The following DPY19L1 variants were observed in gnomAD, a reference collection of about 807,000 sequenced individuals.
DPY19L1 encodes dpy-19 like C-mannosyltransferase 1, also known as protein C-mannosyl-transferase DPY19L1.
Under a neutral mutation model 96.9 loss-of-function variants are expected in DPY19L1, and 35 were observed. That is an observed-to-expected ratio of 0.36 (90% CI 0.28 to 0.48). The LOEUF is 0.48. DPY19L1 is among the 20% of genes least tolerant of loss of function. The probability of loss-of-function intolerance (pLI) is 0.99; values close to 1 mark genes in which losing one functional copy is unlikely to be tolerated. For missense variants in DPY19L1, 521 were observed against 777.9 expected (o/e 0.67, Z 3.93); for synonymous variants, 205 against 252.6 (o/e 0.81, Z 1.79).
chr7:34,973,299 A>G (rs11979953), intron 8 of DPY19L1, among the ~76,000 whole-genome samples: 5,653 of 152,282 alleles, frequency 0.037, 174 homozygotes, highest in African/African-American at 0.085. Context: ...TTCTCAAGCA[A>G]TCACTGTAGA....
intron 1 of DPY19L1, among the ~76,000 whole-genome samples, chr7:35,020,115 A>G (rs1317348529): frequency 1.3e-5 from 2 of 152,224 alleles, no homozygotes; most frequent in Admixed American, 1.3e-4. Flanking sequence ...CCTGGATGAC[A>G]CAACAAGACC....
At position 34,931,551 on chromosome 7, in the gene DPY19L1, T is replaced by G; in HGVS notation, c.*22A>C. On this transcript the variant is annotated 3_prime_UTR_variant, in exon 22 of 22. Coordinates refer to ENST00000638088, the MANE Select transcript of DPY19L1 (RefSeq NM_001366673.1). Reference sequence around the variant, plus strand: ...AAACCATTACAGATGTAGTTCTCCGTAGGCAGCAGGTCATGTAGCAGTCAT... The same window carrying G: ...AAACCATTACAGATGTAGTTCTCCGGAGGCAGCAGGTCATGTAGCAGTCAT... The G allele has an allele frequency of 4.0e-6, 6 of 1,512,444 alleles. No homozygotes were observed. The highest frequency in any genetic ancestry group is 5.3e-6 in the Non-Finnish European group (6 of 1,132,772). 93.7% of individuals were successfully genotyped at this position (1,512,444 alleles called of 1,614,324 possible).
At chr7:34,997,729 T>G (rs1785326344) in intron 6 of DPY19L1, among the ~76,000 whole-genome samples, 1 of 152,258 alleles carries the variant, frequency 6.6e-6, no homozygotes, top group Admixed American at 6.5e-5. Context: ...ATGCTTGATT[T>G]TTTTAAAATA....
At chr7:35,012,404 T>C (rs1785735125) in intron 4 of DPY19L1, among the ~76,000 whole-genome samples, 1 of 152,150 alleles carries the variant, frequency 6.6e-6, no homozygotes, top group African/African-American at 2.4e-5. Context: ...CATCTCAAAG[T>C]CCACTTTCCA....
chr7:35,007,240 A>T (rs1785582434), intron 6 of DPY19L1, among the ~76,000 whole-genome samples: 1 of 152,240 alleles, frequency 6.6e-6, no homozygotes, highest in Non-Finnish European at 1.5e-5. Flanking sequence ...ACCTTCAGTT[A>T]ACGATGCCTT....
Position 34,939,323 on chromosome 7 carries a change from T to C in DPY19L1, c.1917A>G (p.Ala639=), listed in dbSNP as rs755010584. ...GTGGATGATTCACAATGGGCCGAAG[T>C]GCAGAGAGCTTAACACTTGCCATCG... ...MPTMASVKLS[A]LRPIVNHPHY... is the part of the protein sequence containing the mutation. The change falls in exon 20 of 22, where the codon GCA becomes GCG. Residue 639 remains alanine (A), a synonymous_variant. Coordinates refer to ENST00000638088, the MANE Select transcript of DPY19L1 (RefSeq NM_001366673.1). 2.5e-5 allele frequency: 40 copies of C among 1,613,956 alleles called. No homozygotes were observed. The East Asian group carries it at 8.2e-4, about 33-fold the overall frequency.
intron 6 of DPY19L1, among the ~76,000 whole-genome samples, chr7:35,005,402 C>T (rs1033216857): frequency 6.6e-6 from 1 of 151,168 alleles, no homozygotes; most frequent in Non-Finnish European, 1.5e-5. Context: ...ACAAGCAGAG[C>T]AGTGGGAGAG....
chr7:35,006,783 T>G (rs967246830), intron 6 of DPY19L1, among the ~76,000 whole-genome samples: 14 of 152,202 alleles, frequency 9.2e-5, no homozygotes, highest in African/African-American at 3.4e-4. Flanking sequence ...TGTTTTCTAT[T>G]TTCCCTTCTT....
intron 10 of DPY19L1, among the ~76,000 whole-genome samples, chr7:34,966,586 G>T (rs1008052006): frequency 6.6e-6 from 1 of 152,016 alleles, no homozygotes; most frequent in Non-Finnish European, 1.5e-5. Context: ...CCACCATGTC[G>T]GGCCCTTCTA....
At chr7:34,970,835 T>G (rs1358827565) in intron 8 of DPY19L1, among the ~76,000 whole-genome samples, 1 of 139,398 alleles carries the variant, frequency 7.2e-6, no homozygotes, top group Admixed American at 7.6e-5. Flanking sequence ...ACATAAATAT[T>G]GCCAAGAATG....
At chr7:34,980,507 GAA>G (rs1464239900) in intron 7 of DPY19L1, among the ~76,000 whole-genome samples, 2 of 151,958 alleles carry the variant, frequency 1.3e-5, no homozygotes, top group Non-Finnish European at 2.9e-5. Flanking sequence ...GAAAAAAGAG[GAA>G]AAGACAGGTC....
At chr7:34,983,297 A>G (rs1401066419) in intron 7 of DPY19L1, among the ~76,000 whole-genome samples, 3 of 151,918 alleles carry the variant, frequency 2.0e-5, no homozygotes, top group African/African-American at 2.4e-5. Context: ...TTATCAAGAG[A>G]AAAAAAACAG....
chr7:34,969,274 A>G (rs1480294064), intron 9 of DPY19L1, among the ~76,000 whole-genome samples, 159 bp downstream of exon 9: 1 of 151,942 alleles, frequency 6.6e-6, no homozygotes, highest in Admixed American at 6.6e-5. Flanking sequence ...CTTTTGTTCA[A>G]TATTTCTAAA....
intron 6 of DPY19L1, among the ~76,000 whole-genome samples, chr7:34,992,740 C>T (rs531404417): frequency 2.6e-5 from 4 of 152,034 alleles, no homozygotes; most frequent in Admixed American, 2.6e-4. Context: ...TTAATTTTCC[C>T]TGTGTTGTTT....
intron 6 of DPY19L1, among the ~76,000 whole-genome samples, chr7:34,993,944 T>C (rs1284313035): frequency 2.0e-5 from 3 of 151,468 alleles, no homozygotes; most frequent in African/African-American, 4.9e-5. Context: ...CGCACAACTG[T>C]AGTCCCAGCT....
intron 6 of DPY19L1, among the ~76,000 whole-genome samples, chr7:34,992,798 C>T (rs1365411388): frequency 6.6e-6 from 1 of 151,174 alleles, no homozygotes; most frequent in African/African-American, 2.4e-5. Context: ...ATTATACTCT[C>T]TGTAAAAAAA....
At chr7:34,951,851 T>C (rs887031582) in intron 13 of DPY19L1, among the ~76,000 whole-genome samples, 2 of 151,806 alleles carry the variant, frequency 1.3e-5, no homozygotes, top group South Asian at 2.1e-4. Flanking sequence ...GGACTCAACA[T>C]AGTAAGAAGA....
intron 6 of DPY19L1, among the ~76,000 whole-genome samples, chr7:35,002,320 T>G (rs1179805986): frequency 6.6e-6 from 1 of 151,858 alleles, no homozygotes; most frequent in Non-Finnish European, 1.5e-5. Flanking sequence ...CAAAACTTCT[T>G]GGAAATTAAA....
intron 7 of DPY19L1, among the ~76,000 whole-genome samples, chr7:34,978,153 T>G (rs1784867530): frequency 6.6e-6 from 1 of 152,130 alleles, no homozygotes; most frequent in South Asian, 2.1e-4. Context: ...AACTTCAAAA[T>G]AAATAGAAGA....
Sources: allele counts gnomAD v4.1 joint callset (sites outside exome capture counted in the v4.1 genomes callset), GRCh38; gene constraint gnomAD v4.1.1; transcripts MANE v1.5; gene names NCBI Gene and HGNC (gene_info 2026-07-23, HGNC 2026-07-21).